The following CNTNAP2 variants were observed in gnomAD, a reference collection of about 807,000 sequenced individuals.
CNTNAP2 encodes the protein contactin associated protein 2.
In CNTNAP2, 98 loss-of-function variants were observed where a neutral mutation model predicts 155.2. The ratio of observed to expected loss-of-function variants is 0.63; its 90% confidence interval spans 0.54 to 0.75. CNTNAP2 has a LOEUF of 0.75. Among genes scored for constraint, CNTNAP2 ranks in the 30% least tolerant of loss-of-function variants. The pLI is 0.00. For missense variants in CNTNAP2, 1,727 were observed against 1,688.1 expected (o/e 1.02, Z -0.40); for synonymous variants, 651 against 631.2 (o/e 1.03, Z -0.47).
intron 15 of CNTNAP2, among the ~76,000 whole-genome samples, chr7:148,015,746 A>T (rs1244532443): frequency 2.0e-5 from 3 of 152,328 alleles, no homozygotes; most frequent in Middle Eastern, 3.4e-3. Flanking sequence ...TTTTGCCTTA[A>T]TGCCAGTAAG....
chr7:146,492,373 T>G (rs1434318542), intron 1 of CNTNAP2, among the ~76,000 whole-genome samples: 1 of 152,232 alleles, frequency 6.6e-6, no homozygotes, highest in African/African-American at 2.4e-5. Context: ...TTCATCTTGC[T>G]CATAAAAATG....
chr7:147,347,118 AG>A (rs1270643032), intron 9 of CNTNAP2, among the ~76,000 whole-genome samples: 2 of 152,146 alleles, frequency 1.3e-5, no homozygotes, highest in Non-Finnish European at 2.9e-5. Context: ...ATCTGTTTTC[AG>A]ATTTTGATGA....
At chr7:146,434,650 T>C (rs560170426) in intron 1 of CNTNAP2, among the ~76,000 whole-genome samples, 1 of 152,252 alleles carries the variant, frequency 6.6e-6, no homozygotes, top group South Asian at 2.1e-4. Flanking sequence ...ATTACAAAAA[T>C]AGAAGATGAT....
intron 8 of CNTNAP2, among the ~76,000 whole-genome samples, chr7:147,215,399 T>C (rs1233514080): frequency 6.6e-6 from 1 of 152,196 alleles, no homozygotes; most frequent in Non-Finnish European, 1.5e-5. Flanking sequence ...AACTCTGTTT[T>C]TCTCCATAGT....
rs78179102 is a variant in CNTNAP2, at chr7:147,596,022, G to A, written c.1897+33765G>A. 6.5e-3 allele frequency among the ~76,000 whole-genome samples: 990 copies of A among 152,068 alleles called. 10 individuals are homozygous for A. Among genetic ancestry groups the A allele is most frequent in the African/African-American group, 0.023 (939 of 41,468 alleles). ...TTCCATTTCCATGGCACTAAATGCC[G>A]TCTTCATGCTGCAGCTCCAACATCT... is the stretch of plus-strand genomic sequence containing the variant. On this transcript the variant is annotated intron_variant, in intron 12 of 23. Coordinates refer to ENST00000361727, the MANE Select transcript of CNTNAP2 (RefSeq NM_014141.6).
intron 8 of CNTNAP2, among the ~76,000 whole-genome samples, chr7:147,148,156 C>G (rs986306548): frequency 6.6e-6 from 1 of 151,666 alleles, no homozygotes; most frequent in African/African-American, 2.4e-5. Flanking sequence ...TTTGGGAGGC[C>G]GAGGCGGGCG....
At position 147,159,332 on chromosome 7, in the gene CNTNAP2, C is replaced by G. The variant is rs188433822; in HGVS notation, c.1348+26823C>G. Among the ~76,000 whole-genome samples the G allele has an allele frequency of 9.6e-4, 146 of 152,088 alleles. 1 individual carries two copies. The highest frequency in any genetic ancestry group is 7.2e-4 in the Non-Finnish European group (49 of 67,952). ...AATACGATTATTCTGGCATTCTTAA[C>G]TTTTATGTTTTTAATTTTTAAAAGA... On this transcript the variant is annotated intron_variant, in intron 8 of 23. Transcript: ENST00000361727.
chr7:147,223,297 C>G (rs28368174), intron 8 of CNTNAP2, among the ~76,000 whole-genome samples: 65,425 of 152,022 alleles, frequency 0.43, 14,519 homozygotes, highest in Non-Finnish European at 0.46. Flanking sequence ...GTGCACAAAT[C>G]TATAGTGAGA....
intron 1 of CNTNAP2, among the ~76,000 whole-genome samples, chr7:146,744,786 T>G (rs578150762): frequency 3.9e-4 from 60 of 152,276 alleles, no homozygotes; most frequent in African/African-American, 1.4e-3. Context: ...GGATTTGATA[T>G]CAAGTGGCCT....
chr7:147,195,985 T>A (rs1028524477), intron 8 of CNTNAP2, among the ~76,000 whole-genome samples: 3 of 152,110 alleles, frequency 2.0e-5, no homozygotes, highest in Non-Finnish European at 2.9e-5. Context: ...GGTAATTACG[T>A]TAAAATGAGG....
At chr7:146,467,463 G>T (rs894984671) in intron 1 of CNTNAP2, among the ~76,000 whole-genome samples, 4 of 152,074 alleles carry the variant, frequency 2.6e-5, no homozygotes, top group African/African-American at 7.2e-5. Context: ...AAATGTGGTT[G>T]TCATTTCAAT....
intron 15 of CNTNAP2, among the ~76,000 whole-genome samples, chr7:148,057,984 T>TTATTAC (rs1474158737): frequency 6.7e-6 from 1 of 148,806 alleles, no homozygotes; most frequent in Non-Finnish European, 1.5e-5. Flanking sequence ...ATTATTATTA[T>TTATTAC]TATTGTTATT....
intron 9 of CNTNAP2, among the ~76,000 whole-genome samples, chr7:147,347,479 T>TATATATATATATGC (rs1563169416): frequency 2.2e-5 from 2 of 90,774 alleles, no homozygotes; most frequent in East Asian, 3.6e-4. Context: ...TATATATGCA[T>TATATATATATATGC]ATATATATAT....
chr7:147,958,538 T>A (rs369879841), intron 14 of CNTNAP2, among the ~76,000 whole-genome samples: 13 of 152,288 alleles, frequency 8.5e-5, no homozygotes, highest in East Asian at 1.9e-4. Context: ...GATGGATGTT[T>A]ATATTGATTT....
chr7:147,736,478 G>A (rs1023538285), intron 13 of CNTNAP2, among the ~76,000 whole-genome samples: 5 of 152,062 alleles, frequency 3.3e-5, no homozygotes, highest in African/African-American at 1.2e-4. Flanking sequence ...TTCAACTTTG[G>A]TGAATCTGAC....
chr7:147,666,255 C>T (rs1192736285), intron 13 of CNTNAP2, among the ~76,000 whole-genome samples: 11 of 152,180 alleles, frequency 7.2e-5, no homozygotes. Context: ...CAAGTACAGT[C>T]ATGTGCTGCA....
intron 11 of CNTNAP2, among the ~76,000 whole-genome samples, chr7:147,561,214 A>G (rs6980460): frequency 0.47 from 71,480 of 151,934 alleles, 16,994 homozygotes; most frequent in East Asian, 0.61. Context: ...ACACACAACA[A>G]CCCCTAAGGA....
chr7:148,308,497 T>G (rs1797529369), intron 21 of CNTNAP2, among the ~76,000 whole-genome samples: 1 of 152,034 alleles, frequency 6.6e-6, no homozygotes, highest in Non-Finnish European at 1.5e-5. Flanking sequence ...TTTAGAAGTT[T>G]GAAATCTAGT....
chr7:146,624,359 GT>G (rs1448964137), intron 1 of CNTNAP2, among the ~76,000 whole-genome samples: 2 of 151,872 alleles, frequency 1.3e-5, no homozygotes, highest in African/African-American at 4.8e-5. Context: ...TCTAAGTATA[GT>G]TTTTTAAATT....
Sources: gnomAD v4.1 joint callset for allele counts (sites outside exome capture counted in the v4.1 genomes callset) on GRCh38, gnomAD v4.1.1 for gene constraint, MANE v1.5 for transcripts, NCBI Gene and HGNC (gene_info 2026-07-23, HGNC 2026-07-21) for gene names.